Variants in SYT11 observed in about 807,000 individuals in gnomAD.
SYT11 encodes the protein synaptotagmin 11, also known as synaptotagmin-11.
In SYT11, 12 loss-of-function variants were observed where a neutral mutation model predicts 30.4. The observed-to-expected ratio is 0.39, with a 90% CI of 0.25 to 0.64. The LOEUF is 0.64. Ranked by LOEUF, SYT11 falls within the 30% of genes least tolerant of loss-of-function variation. The pLI is 0.45. For missense variants in SYT11, 412 were observed against 552.0 expected (o/e 0.75, Z 2.54); for synonymous variants, 204 against 216.0 (o/e 0.94, Z 0.49).
At chr1:155,878,343 AG>A (rs1226818444) in intron 2 of SYT11, among the ~76,000 whole-genome samples, 1 of 152,060 alleles carries the variant, frequency 6.6e-6, no homozygotes, top group Non-Finnish European at 1.5e-5. Flanking sequence ...CCTTTACTCT[AG>A]CCTTGCCCAC....
intron 2 of SYT11, among the ~76,000 whole-genome samples, chr1:155,870,058 A>G (rs147549914): frequency 1.2e-3 from 184 of 152,348 alleles, no homozygotes; most frequent in Non-Finnish European, 2.1e-3. Flanking sequence ...TTGCCCTTGA[A>G]GAGGTTTCAC....
chr1:155,866,415 C>T (rs1451434950), intron 1 of SYT11, among the ~76,000 whole-genome samples: 2 of 152,174 alleles, frequency 1.3e-5, no homozygotes, highest in Non-Finnish European at 2.9e-5. Context: ...CCACACCCGG[C>T]CTATTTCTGT....
rs560604023 is a variant in SYT11 at position 155,859,570 on chromosome 1, G to A, written c.-192G>A. 16 of 634,226 alleles carry A rather than the reference G, an allele frequency of 2.5e-5. No homozygotes were observed. The East Asian group carries it at 3.9e-4, about 16-fold the overall frequency. The allele number at this position is 634,226 out of a possible 1,614,324, so 39.3% of individuals were successfully genotyped here. Reference sequence around the variant, plus strand: ...ACTGCACCTGCATCCTTAGCTCAGCGCATCCCCGGAGCATCTTAAGAGCTG... The same window carrying A: ...ACTGCACCTGCATCCTTAGCTCAGCACATCCCCGGAGCATCTTAAGAGCTG... On this transcript the variant is annotated 5_prime_UTR_variant, in exon 1 of 4. Coordinates refer to ENST00000368324, the MANE Select transcript of SYT11 (RefSeq NM_152280.5).
At chr1:155,866,489 G>A (rs1279409813) in intron 1 of SYT11, among the ~76,000 whole-genome samples, 8 of 152,174 alleles carry the variant, frequency 5.3e-5, no homozygotes, top group Admixed American at 5.2e-4. Flanking sequence ...GGGTACAGCC[G>A]TGAACAAAAC....
intron 1 of SYT11, among the ~76,000 whole-genome samples, chr1:155,865,501 G>C (rs1672657468): frequency 6.6e-6 from 1 of 151,988 alleles, no homozygotes; most frequent in Admixed American, 6.6e-5. Flanking sequence ...GGTGGCGCAT[G>C]CCTGTAATCC....
intron 3 of SYT11, among the ~76,000 whole-genome samples, chr1:155,880,918 C>G (rs1672950508): frequency 6.6e-6 from 1 of 152,112 alleles, no homozygotes; most frequent in South Asian, 2.1e-4. Flanking sequence ...GTCTCTGTGC[C>G]CTTTAATATA....
At chr1:155,869,695 G>A (rs529629847) in intron 2 of SYT11, among the ~76,000 whole-genome samples, 2 of 152,158 alleles carry the variant, frequency 1.3e-5, no homozygotes, top group East Asian at 3.9e-4. Context: ...CTCCCTCTTT[G>A]TATTAGAAGA....
rs1202443064 is a variant in SYT11 at position 155,860,921 on chromosome 1, G to C, written c.34+1126G>C. 1.3e-5 allele frequency among the ~76,000 whole-genome samples: 2 copies of C among 152,106 alleles called. No homozygotes were observed. The highest frequency in any genetic ancestry group is 4.8e-5 in the African/African-American group (2 of 41,406). On this transcript the variant is annotated intron_variant, in intron 1 of 3. Coordinates refer to ENST00000368324, the MANE Select transcript of SYT11 (RefSeq NM_152280.5). The surrounding 1 kb of genome is among the most constrained non-coding windows in gnomAD (Gnocchi z 4.1). ...CTTCTCCTTGATTCAGTTTAGATGG[G>C]GGAAGCCAGTGAGAGTTGCTGCCAA...
chr1:155,880,163 A>G (rs946934638), intron 2 of SYT11, among the ~76,000 whole-genome samples: 8 of 152,104 alleles, frequency 5.3e-5, no homozygotes, highest in African/African-American at 1.7e-4. Context: ...CTGAATTCCA[A>G]TCTGGGCAAC....
At chr1:155,873,441 G>A (rs942039347) in intron 2 of SYT11, among the ~76,000 whole-genome samples, 14 of 152,056 alleles carry the variant, frequency 9.2e-5, no homozygotes, top group African/African-American at 2.7e-4. Flanking sequence ...AAGAAATAAT[G>A]AAACGTTGCT....
Position 155,869,804 on chromosome 1 carries a change from C to T in SYT11, c.861+1013C>T, listed in dbSNP as rs570672558. On this transcript the variant is annotated intron_variant, in intron 2 of 3. Coordinates refer to ENST00000368324, the MANE Select transcript of SYT11 (RefSeq NM_152280.5). ...TTCAGGAGCACAGTAAGTGTAGCCC[C>T]ACCCAACCCCATTAGTTCATTTATT... Among the ~76,000 whole-genome samples, 3 of 152,244 alleles carry T rather than the reference C, an allele frequency of 2.0e-5. No individual in the cohort carries two copies. In the South Asian group the frequency reaches 6.2e-4, roughly 32 times the overall value.
intron 1 of SYT11, among the ~76,000 whole-genome samples, chr1:155,861,361 T>C (rs1364970038): frequency 6.6e-6 from 1 of 152,214 alleles, no homozygotes; most frequent in Non-Finnish European, 1.5e-5. Context: ...CAGATTCCTT[T>C]CTCTAACTGC....
In SYT11 at chr1:155,859,797, T is replaced by A; in HGVS notation, c.34+2T>A. ...TCACCAATATCCGACCTAGCTTTGG[T>A]AAGTAGACTCGGGAAAACTAAGCTT... On this transcript the variant is annotated splice_donor_variant, in intron 1 of 3. Transcript: ENST00000368324. LOFTEE classifies it high-confidence loss of function. 1 of 1,614,030 alleles carries A rather than the reference T, an allele frequency of 6.2e-7. No individual in the cohort carries two copies. Among genetic ancestry groups the A allele is most frequent in the Admixed American group, 1.7e-5 (1 of 60,024 alleles).
intron 1 of SYT11, among the ~76,000 whole-genome samples, chr1:155,864,420 C>T (rs1045061845): frequency 6.6e-6 from 1 of 152,138 alleles, no homozygotes; most frequent in Non-Finnish European, 1.5e-5. Flanking sequence ...ACATTATGCT[C>T]ATAGTATTGT....
chr1:155,884,042 G>T lies in SYT11; in HGVS notation c.*2534G>T, dbSNP rs1673025245. 1 of 152,646 alleles carries T rather than the reference G, an allele frequency of 6.6e-6. No homozygotes were observed. The highest frequency in any genetic ancestry group is 2.4e-5 in the African/African-American group (1 of 41,428). 9.5% of individuals were successfully genotyped at this position (152,646 alleles called of 1,614,324 possible). A position where few individuals can be genotyped will look rare whatever the true frequency, so the allele number is the denominator to read the frequency against. ...AAAATAATTTTTGTTTTCTAAAAAT[G>T]CATTTTGAGATAGTTTAATGTAAAT... On this transcript the variant is annotated 3_prime_UTR_variant, in exon 4 of 4. Coordinates refer to ENST00000368324, the MANE Select transcript of SYT11 (RefSeq NM_152280.5).
intron 1 of SYT11, among the ~76,000 whole-genome samples, chr1:155,863,615 A>C (rs1672625469): frequency 6.6e-6 from 1 of 152,012 alleles, no homozygotes; most frequent in East Asian, 1.9e-4. Context: ...GTGAAGACTC[A>C]TCTCTAAAAA....
intron 1 of SYT11, among the ~76,000 whole-genome samples, chr1:155,864,037 T>C (rs1301614952): frequency 6.6e-6 from 1 of 152,008 alleles, no homozygotes; most frequent in Non-Finnish European, 1.5e-5. Context: ...GCTGCGATCA[T>C]GCATGCCACT....
intron 1 of SYT11, among the ~76,000 whole-genome samples, chr1:155,863,775 G>T (rs944160840): frequency 7.2e-5 from 11 of 152,026 alleles, no homozygotes; most frequent in Non-Finnish European, 1.5e-4. Context: ...ACAAAAACTG[G>T]CCAGGTGTAG....
At chr1:155,866,225 G>A (rs1334121214) in intron 1 of SYT11, among the ~76,000 whole-genome samples, 2 of 147,826 alleles carry the variant, frequency 1.4e-5, no homozygotes, top group East Asian at 4.0e-4. Context: ...TGATTCTCCT[G>A]CCTCAGCCTC....
Sources: allele counts gnomAD v4.1 joint callset (sites outside exome capture counted in the v4.1 genomes callset), GRCh38; gene constraint gnomAD v4.1.1; non-coding constraint Gnocchi (gnomAD v3.1); transcripts MANE v1.5; gene names NCBI Gene and HGNC (gene_info 2026-07-23, HGNC 2026-07-21).